Variants in DNAJC6 observed in about 807,000 individuals in gnomAD.
DNAJC6 encodes DnaJ heat shock protein family (Hsp40) member C6.
DNAJC6 carries 34 observed loss-of-function variants against 110.0 expected under a neutral mutation model. That is an observed-to-expected ratio of 0.31 (90% CI 0.24 to 0.41). DNAJC6 has a LOEUF of 0.41. DNAJC6 is among the 10% of genes least tolerant of loss of function. DNAJC6 has a pLI of 1.00. For missense variants in DNAJC6, 1,031 were observed against 1,207.8 expected (o/e 0.85, Z 2.17); for synonymous variants, 406 against 437.2 (o/e 0.93, Z 0.89).
chr1:65,309,624 CTT>C lies in DNAJC6; in HGVS notation c.-120_-119del. 1 of 1,393,334 alleles carries C rather than the reference CTT, an allele frequency of 7.2e-7. No individual in the cohort carries two copies. The highest frequency in any genetic ancestry group is 1.6e-5 in the South Asian group (1 of 62,654). 86.3% of individuals were successfully genotyped at this position (1,393,334 alleles called of 1,614,324 possible). On this transcript the variant is annotated 5_prime_UTR_variant, in exon 1 of 19. Coordinates refer to ENST00000371069, the MANE Select transcript of DNAJC6 (RefSeq NM_001256864.2). Reference sequence around the variant, plus strand: ...GTGGCCGCTCCTTCTTTTCCCTCCTCTTTGCGTCATGTCGGGCACTTAATTTT... The same window carrying C: ...GTGGCCGCTCCTTCTTTTCCCTCCTCTGCGTCATGTCGGGCACTTAATTTT...
chr1:65,295,571 A>G (rs1644921303), intron 1 of DNAJC6, among the ~76,000 whole-genome samples: 1 of 152,230 alleles, frequency 6.6e-6, no homozygotes, highest in Non-Finnish European at 1.5e-5. Context: ...AATGTACACT[A>G]TAGCTACTCT....
At chr1:65,365,120 C>A (rs1042618259) in intron 2 of DNAJC6, among the ~76,000 whole-genome samples, 10 of 151,920 alleles carry the variant, frequency 6.6e-5, no homozygotes, top group African/African-American at 2.2e-4. Flanking sequence ...TTTTTTTATA[C>A]CCTGACAGGA....
At chr1:65,265,778 TC>T (rs1193855602) in intron 1 of DNAJC6, among the ~76,000 whole-genome samples, 5 of 152,068 alleles carry the variant, frequency 3.3e-5, no homozygotes, top group African/African-American at 1.2e-4. Flanking sequence ...AGCCCTTCCT[TC>T]CTATTGCGCT....
At chr1:65,345,421 C>A (rs747853318) in intron 1 of DNAJC6, among the ~76,000 whole-genome samples, 2 of 152,146 alleles carry the variant, frequency 1.3e-5, no homozygotes, top group Non-Finnish European at 2.9e-5. Context: ...AGGATATTAT[C>A]TACCTCCATT....
chr1:65,335,888 G>A (rs567880892), intron 1 of DNAJC6, among the ~76,000 whole-genome samples: 2 of 152,130 alleles, frequency 1.3e-5, no homozygotes, highest in Non-Finnish European at 2.9e-5. Context: ...CCACACCTTA[G>A]GGAGGCAAGG....
chr1:65,405,683 G>T (rs1646069033), intron 15 of DNAJC6, among the ~76,000 whole-genome samples, 187 bp from the exon 16 acceptor site: 1 of 152,082 alleles, frequency 6.6e-6, no homozygotes, highest in South Asian at 2.1e-4. Context: ...AACATACCTA[G>T]AAATGTTATT....
Position 65,302,091 on chromosome 1 carries a change from T to A in DNAJC6, c.-131+37159T>A, listed in dbSNP as rs1266026339. 8.6e-4 allele frequency among the ~76,000 whole-genome samples: 43 copies of A among 50,204 alleles called. No homozygotes were observed. The East Asian group carries it at 0.018, about 21-fold the overall frequency. 32.9% of individuals were successfully genotyped at this position (50,204 alleles called of 152,430 possible). A position where few individuals can be genotyped will look rare whatever the true frequency, so the allele number is the denominator to read the frequency against. ...TATATATAATACGTATTATATATAT[T>A]ATATATATAATATATAATATATATA... On this transcript the variant is annotated intron_variant, in intron 1 of 19. Coordinates refer to the DNAJC6 transcript ENST00000263441.
chr1:65,270,575 C>A (rs1749972), intron 1 of DNAJC6, among the ~76,000 whole-genome samples: 110,725 of 152,046 alleles, frequency 0.73, 41,482 homozygotes, highest in East Asian at 0.98. Context: ...CTTTAAAGGG[C>A]AGATATACTG....
At chr1:65,381,620 C>T (rs1011393280) in intron 5 of DNAJC6, among the ~76,000 whole-genome samples, 4 of 151,834 alleles carry the variant, frequency 2.6e-5, no homozygotes, top group African/African-American at 9.7e-5. Context: ...TTTTAAAAGA[C>T]CTGCATCACA....
intron 1 of DNAJC6, among the ~76,000 whole-genome samples, chr1:65,341,499 T>C (rs1035977961): frequency 6.6e-6 from 1 of 152,172 alleles, no homozygotes; most frequent in African/African-American, 2.4e-5. Context: ...TAATGACTTA[T>C]CAGCTCTTTT....
In DNAJC6 at chr1:65,375,465, A is replaced by G. The variant is rs1238697244; in HGVS notation, c.544-3937A>G. Among the ~76,000 whole-genome samples the G allele has an allele frequency of 4.0e-5, 6 of 148,422 alleles. No individual in the cohort carries two copies. In the Admixed American group the frequency reaches 4.1e-4, roughly 10 times the overall value. On this transcript the variant is annotated intron_variant, in intron 4 of 18. Coordinates refer to ENST00000371069, the MANE Select transcript of DNAJC6 (RefSeq NM_001256864.2). ...TTTGGAGACGGAGTCTCGCTCTGTC[A>G]CCCAGGCTGGAGTGCAGTTGTGCGA... is the stretch of plus-strand genomic sequence containing the variant.
intron 1 of DNAJC6, among the ~76,000 whole-genome samples, chr1:65,286,981 T>C (rs1312110025): frequency 1.3e-5 from 2 of 152,184 alleles, no homozygotes; most frequent in African/African-American, 4.8e-5. Context: ...CTGTTTTGCC[T>C]CTCTAGATAA....
chr1:65,282,772 A>G (rs1653893544), intron 1 of DNAJC6, among the ~76,000 whole-genome samples: 1 of 152,186 alleles, frequency 6.6e-6, no homozygotes. Flanking sequence ...CTCATGCATG[A>G]ACTGTGTTCT....
chr1:65,315,796 A>G (rs199634953), intron 1 of DNAJC6, among the ~76,000 whole-genome samples: 2 of 152,192 alleles, frequency 1.3e-5, no homozygotes, highest in African/African-American at 2.4e-5. Context: ...CTTATTCTAT[A>G]TTGAGTAAAA....
intron 1 of DNAJC6, among the ~76,000 whole-genome samples, chr1:65,350,316 T>C (rs986759406): frequency 5.3e-5 from 8 of 152,218 alleles, no homozygotes; most frequent in Admixed American, 2.6e-4. Flanking sequence ...TCAGATATTA[T>C]ACTTTTTAAT....
intron 1 of DNAJC6, among the ~76,000 whole-genome samples, chr1:65,335,473 C>G (rs1313675840): frequency 6.6e-6 from 1 of 151,824 alleles, no homozygotes; most frequent in East Asian, 1.9e-4. Flanking sequence ...AAATAAAAAC[C>G]CTCAAGATAA....
intron 1 of DNAJC6, among the ~76,000 whole-genome samples, chr1:65,356,869 T>C (rs1248878755): frequency 6.6e-6 from 1 of 152,198 alleles, no homozygotes; most frequent in Non-Finnish European, 1.5e-5. Flanking sequence ...CAAAGTCTGT[T>C]ACATTTCCTC....
At chr1:65,406,184 C>A in intron 16 of DNAJC6, 51 bp downstream of exon 16, 1 of 1,571,766 alleles carries the variant, frequency 6.4e-7, no homozygotes, top group Non-Finnish European at 8.6e-7. Context: ...TCTATGTTGT[C>A]ATACTGCCTG....
chr1:65,315,177 C>T (rs1570267392), intron 1 of DNAJC6, among the ~76,000 whole-genome samples: 1 of 152,190 alleles, frequency 6.6e-6, no homozygotes. Context: ...CTAATTCTCT[C>T]TTAGTCTTAA....
Sources: gnomAD v4.1 joint callset for allele counts (sites outside exome capture counted in the v4.1 genomes callset) on GRCh38, gnomAD v4.1.1 for gene constraint, MANE v1.5 for transcripts, NCBI Gene and HGNC (gene_info 2026-07-23, HGNC 2026-07-21) for gene names.